MTHFD2L: variants seen among roughly 807,000 people sequenced by gnomAD.
The protein encoded by MTHFD2L is bifunctional methylenetetrahydrofolate dehydrogenase/cyclohydrolase 2, mitochondrial.
MTHFD2L carries 29 observed loss-of-function variants against 34.9 expected under a neutral mutation model. The ratio of observed to expected loss-of-function variants is 0.83; its 90% CI spans 0.62 to 1.13. The LOEUF (loss-of-function observed/expected upper bound fraction) is 1.13, where lower values mean the gene tolerates loss of function less well. Among genes scored for constraint, MTHFD2L ranks in the 50% most tolerant of loss-of-function variants. The pLI is 0.00. For missense variants in MTHFD2L, 481 were observed against 446.5 expected (o/e 1.08, Z -0.70); for synonymous variants, 167 against 155.7 (o/e 1.07, Z -0.54).
rs373732279 is a variant in MTHFD2L at position 74,281,415 on chromosome 4, T to C, written c.806-10T>C. The C allele has an allele frequency of 1.9e-6, 3 of 1,608,576 alleles. No homozygotes were observed. In the African/African-American group the frequency reaches 4.0e-5, roughly 22 times the overall value. On this transcript the variant is annotated splice_polypyrimidine_tract_variant and intron_variant, in intron 6 of 7. Coordinates refer to ENST00000325278, the MANE Select transcript of MTHFD2L (RefSeq NM_001144978.3). ...TATGCTGAAGGACAAACAACTCTTT[T>C]TGTTTTCAGGTATTCCAAAGTTGAT...
chr4:74,140,627 C>T (rs1016511706), intron 1 of MTHFD2L: 1 of 759,698 alleles, frequency 1.3e-6, no homozygotes, highest in Non-Finnish European at 1.6e-6. Context: ...GCTATAAGGA[C>T]ATACCAGAGA....
intron 5 of MTHFD2L, among the ~76,000 whole-genome samples, chr4:74,222,379 T>G (rs1738359601): frequency 6.6e-6 from 1 of 152,070 alleles, no homozygotes; most frequent in African/African-American, 2.4e-5. Context: ...CATCTCATGA[T>G]GGAAGGCAGA....
upstream of MTHFD2L, among the ~76,000 whole-genome samples, chr4:74,155,642 G>C (rs1724189478): frequency 6.6e-6 from 1 of 151,972 alleles, no homozygotes; most frequent in African/African-American, 2.4e-5. Context: ...AAACAAATCT[G>C]TTAACAAATG....
chr4:74,144,545 A>T (rs911802631), intron 1 of MTHFD2L, among the ~76,000 whole-genome samples: 15 of 152,174 alleles, frequency 9.9e-5, no homozygotes, highest in African/African-American at 3.4e-4. Context: ...ATGCTTTGGT[A>T]TAGTTCTCTT....
intron 1 of MTHFD2L, among the ~76,000 whole-genome samples, chr4:74,147,273 G>A (rs1408389267): frequency 1.3e-5 from 2 of 151,868 alleles, no homozygotes; most frequent in African/African-American, 4.8e-5. Flanking sequence ...CTCCTTTTTG[G>A]TTCTAGGTCG....
intron 1 of MTHFD2L, among the ~76,000 whole-genome samples, chr4:74,150,868 A>G (rs1410272786): frequency 6.6e-6 from 1 of 152,068 alleles, no homozygotes; most frequent in East Asian, 1.9e-4. Flanking sequence ...ATTACCATGG[A>G]AAACAAGAAG....
chr4:74,134,184 T>A (rs1722743892), intron 1 of MTHFD2L, among the ~76,000 whole-genome samples: 1 of 152,114 alleles, frequency 6.6e-6, no homozygotes, highest in Non-Finnish European at 1.5e-5. Flanking sequence ...GAGGGAGAAA[T>A]GTCTGTGAAG....
intron 3 of MTHFD2L, among the ~76,000 whole-genome samples, chr4:74,178,319 A>G (rs552863785): frequency 6.6e-6 from 1 of 152,110 alleles, no homozygotes. Flanking sequence ...TACACCACAC[A>G]TATCTACAAA....
intron 1 of MTHFD2L, among the ~76,000 whole-genome samples, chr4:74,131,768 A>G (rs1161064387): frequency 1.3e-5 from 2 of 152,214 alleles, no homozygotes; most frequent in African/African-American, 4.8e-5. Flanking sequence ...CTGCACAGCA[A>G]AAGAAACTAT....
rs938822465 is a variant in MTHFD2L at position 74,175,302 on chromosome 4, T to C, written c.350T>C (p.Leu117Pro). 1.2e-6 allele frequency: 2 copies of C among 1,613,130 alleles called. No homozygotes were observed. The highest frequency in any genetic ancestry group is 2.2e-5 in the South Asian group (2 of 90,988). Residue 117 changes from leucine to proline, a missense_variant, in exon 3 of 8, where the codon CTA becomes CCA. Physicochemically the swap from Leu to Pro is moderately conservative, Grantham distance 98. Transcript: ENST00000325278. ...SAVGICSELI[L>P]KPKDVSQEEL... Reference sequence around the variant, plus strand: ...CTAGGTATTTGTAGTGAGCTCATTCTAAAACCTAAGGATGTTTCTCAGGAA... The same window carrying C: ...CTAGGTATTTGTAGTGAGCTCATTCCAAAACCTAAGGATGTTTCTCAGGAA...
intron 6 of MTHFD2L, among the ~76,000 whole-genome samples, chr4:74,275,706 C>CT (rs879928046): frequency 5.2e-4 from 76 of 145,350 alleles, no homozygotes; most frequent in Middle Eastern, 3.6e-3. Context: ...TGATGTTGAG[C>CT]TTTTTTTTTT....
chr4:74,175,408 A>G lies in MTHFD2L; in HGVS notation c.451+5A>G, dbSNP rs182342168. ...TAGTTCAGTTACCACTACCAGGTAC[A>G]TAATGCTCCTCTTATTTATCTGATT... is the stretch of plus-strand genomic sequence containing the variant. On this transcript the variant is annotated splice_donor_5th_base_variant and intron_variant, in intron 3 of 7. Coordinates refer to ENST00000325278, the MANE Select transcript of MTHFD2L (RefSeq NM_001144978.3). The G allele has an allele frequency of 3.1e-6, 5 of 1,603,822 alleles. No individual in the cohort carries two copies. Among genetic ancestry groups the G allele is most frequent in the African/African-American group, 1.3e-5 (1 of 74,550 alleles).
chr4:74,194,013 TA>T (rs1216000385), intron 3 of MTHFD2L: 1 of 152,164 alleles, frequency 6.6e-6, no homozygotes, highest in African/African-American at 2.4e-5. Context: ...ATTTCACTAT[TA>T]AGTAGGATGT....
Position 74,269,064 on chromosome 4 carries a change from C to A in MTHFD2L, c.806-12361C>A, listed in dbSNP as rs187653881. On this transcript the variant is annotated intron_variant, in intron 6 of 7. Coordinates refer to ENST00000325278, the MANE Select transcript of MTHFD2L (RefSeq NM_001144978.3). Reference sequence around the variant, plus strand: ...AGTAGTGTGAATCTATATAGATGATCCATTGGTTCATTTACTTATCAAAGA... The same window carrying A: ...AGTAGTGTGAATCTATATAGATGATACATTGGTTCATTTACTTATCAAAGA... Among the ~76,000 whole-genome samples the A allele has an allele frequency of 9.9e-4, 150 of 152,154 alleles. 2 individuals carry two copies. Among genetic ancestry groups the A allele is most frequent in the South Asian group, 6.2e-4 (3 of 4,824 alleles).
In MTHFD2L at chr4:74,178,837, C is replaced by T. The variant is rs148373017; in HGVS notation, c.451+3434C>T. 2.8e-3 allele frequency among the ~76,000 whole-genome samples: 426 copies of T among 152,080 alleles called. 1 individual carries two copies. The highest frequency in any genetic ancestry group is 8.6e-3 in the African/African-American group (358 of 41,508). ...TTTTTTACTGATGAGAAATTTGAGG[C>T]GTGAAGAGGGTAAGTAACTTCTTCC... On this transcript the variant is annotated intron_variant, in intron 3 of 7. Transcript: ENST00000325278.
chr4:74,142,700 C>G (rs1325421502), intron 1 of MTHFD2L, among the ~76,000 whole-genome samples: 2 of 152,192 alleles, frequency 1.3e-5, no homozygotes, highest in Non-Finnish European at 2.9e-5. Flanking sequence ...TTCCATGGCT[C>G]CAAGTACCTC....
At chr4:74,219,390 T>TG (rs1348817542) in intron 5 of MTHFD2L, among the ~76,000 whole-genome samples, 1 of 152,076 alleles carries the variant, frequency 6.6e-6, no homozygotes, top group Non-Finnish European at 1.5e-5. Context: ...ACTGTGAGTG[T>TG]GGGAAAAAGT....
At chr4:74,274,730 T>C (rs1005661213) in intron 6 of MTHFD2L, among the ~76,000 whole-genome samples, 56 of 152,300 alleles carry the variant, frequency 3.7e-4, no homozygotes, top group African/African-American at 1.3e-3. Context: ...AGATTGATTC[T>C]GAGCATCTCT....
chr4:74,177,169 A>C (rs1429681973), intron 3 of MTHFD2L, among the ~76,000 whole-genome samples: 1 of 151,924 alleles, frequency 6.6e-6, no homozygotes, highest in Admixed American at 6.6e-5. Context: ...AACTAGAAAA[A>C]AAATTCAACA....
Sources: gnomAD v4.1 joint callset for allele counts (sites outside exome capture counted in the v4.1 genomes callset) on GRCh38, gnomAD v4.1.1 for gene constraint, MANE v1.5 for transcripts, NCBI Gene and HGNC (gene_info 2026-07-23, HGNC 2026-07-21) for gene names.